POU6F2: variants seen among roughly 807,000 people sequenced by gnomAD.
The protein encoded by POU6F2 is POU domain, class 6, transcription factor 2.
Under a neutral mutation model 71.3 loss-of-function variants are expected in POU6F2, and 31 were observed. That is an observed-to-expected ratio of 0.43 (90% CI 0.33 to 0.59). The LOEUF (loss-of-function observed/expected upper bound fraction) is 0.59, where lower values mean the gene tolerates loss of function less well. Among genes scored for constraint, POU6F2 ranks in the 20% least tolerant of loss-of-function variants. The probability of loss-of-function intolerance (pLI) is 0.04; values close to 1 mark genes in which losing one functional copy is unlikely to be tolerated. For missense variants in POU6F2, 783 were observed against 856.8 expected, an observed-to-expected ratio of 0.91 and a Z score of 1.07; for synonymous variants, 347 against 355.7, an observed-to-expected ratio of 0.98 and a Z score of 0.27.
chr7:39,006,116 G>T (rs1033866396), intron 1 of POU6F2, among the ~76,000 whole-genome samples: 1 of 152,096 alleles, frequency 6.6e-6, no homozygotes, highest in Non-Finnish European at 1.5e-5. Flanking sequence ...TGGAGTCAGG[G>T]GCATGGACAA....
At chr7:39,008,336 T>C (rs1789147673) in intron 1 of POU6F2, among the ~76,000 whole-genome samples, 1 of 152,108 alleles carries the variant, frequency 6.6e-6, no homozygotes. Flanking sequence ...TTTTGAGAAG[T>C]GTCTGTTCAT....
At chr7:39,178,147 G>A (rs573189645) in intron 2 of POU6F2, among the ~76,000 whole-genome samples, 2 of 152,166 alleles carry the variant, frequency 1.3e-5, no homozygotes, top group South Asian at 2.1e-4. Flanking sequence ...CCAGCTACTC[G>A]GGAGGCTGAG....
chr7:39,281,912 T>G (rs1351446690), intron 4 of POU6F2, among the ~76,000 whole-genome samples: 1 of 152,182 alleles, frequency 6.6e-6, no homozygotes, highest in Non-Finnish European at 1.5e-5. Flanking sequence ...TAATTTGCAT[T>G]TACACCAACA....
rs754145099 is a variant in POU6F2 at position 39,419,113 on chromosome 7, G to GTA, written c.1113+12379_1113+12380dup. On this transcript the variant is annotated intron_variant, in intron 6 of 9. Coordinates refer to ENST00000518318, the MANE Select transcript of POU6F2 (RefSeq NM_001370959.1). The stretch of plus-strand genomic sequence containing the variant: ...TATGTGTATATATACACATATATAC[G>GTA]TATATATGTGTATATATACACATAT... Among the ~76,000 whole-genome samples, 221 of 56,206 alleles carry GTA rather than the reference G, an allele frequency of 3.9e-3. No homozygotes were observed. In the East Asian group the frequency reaches 0.045, roughly 11 times the overall value. 36.9% of individuals were successfully genotyped at this position (56,206 alleles called of 152,430 possible). A position where few individuals can be genotyped will look rare whatever the true frequency, so the allele number is the denominator to read the frequency against.
chr7:39,226,453 A>C (rs1316399761), intron 4 of POU6F2, among the ~76,000 whole-genome samples: 1 of 152,206 alleles, frequency 6.6e-6, no homozygotes, highest in Non-Finnish European at 1.5e-5. Flanking sequence ...AAGAACATCA[A>C]ATGCTCACAA....
intron 2 of POU6F2, among the ~76,000 whole-genome samples, chr7:39,180,869 C>T (rs1281634587): frequency 6.6e-6 from 1 of 152,160 alleles, no homozygotes; most frequent in East Asian, 1.9e-4. Flanking sequence ...GAGCACCTTT[C>T]CATAAGAACC....
chr7:39,235,583 C>A (rs1302451228), intron 4 of POU6F2, among the ~76,000 whole-genome samples: 2 of 152,146 alleles, frequency 1.3e-5, no homozygotes, highest in Non-Finnish European at 2.9e-5. Flanking sequence ...TTGACAAGAC[C>A]TCAGTCTAGA....
chr7:39,349,716 C>G (rs899046407), intron 5 of POU6F2, among the ~76,000 whole-genome samples: 22 of 152,214 alleles, frequency 1.4e-4, no homozygotes, highest in African/African-American at 5.1e-4. Flanking sequence ...CTATCCTGCT[C>G]TTTTTCTATT....
At chr7:39,110,847 C>T (rs1029051354) in intron 2 of POU6F2, among the ~76,000 whole-genome samples, 3 of 152,074 alleles carry the variant, frequency 2.0e-5, no homozygotes, top group Admixed American at 2.0e-4. Context: ...GAATGTTTGT[C>T]AATGGAGTGA....
At chr7:39,419,943 C>T (rs1281444199) in intron 6 of POU6F2, among the ~76,000 whole-genome samples, 3 of 152,136 alleles carry the variant, frequency 2.0e-5, no homozygotes, top group Non-Finnish European at 4.4e-5. Flanking sequence ...CACTTTTCTC[C>T]GTAACAAAAT....
At position 39,269,629 on chromosome 7, in the gene POU6F2, C is replaced by A. The variant is rs565199137; in HGVS notation, c.598+62009C>A. ...ATTCAGGTCATAGAATCTGCCTTCC[C>A]AGGTGCCTCTTTTTTAGAGTTTGAG... On this transcript the variant is annotated intron_variant, in intron 4 of 9. Coordinates refer to ENST00000518318, the MANE Select transcript of POU6F2 (RefSeq NM_001370959.1). Among the ~76,000 whole-genome samples the A allele has an allele frequency of 1.2e-4, 18 of 152,310 alleles. No individual in the cohort carries two copies. In the South Asian group the frequency reaches 3.5e-3, roughly 30 times the overall value.
intron 2 of POU6F2, among the ~76,000 whole-genome samples, chr7:39,166,210 T>G (rs1227736647): frequency 6.6e-6 from 1 of 152,234 alleles, no homozygotes; most frequent in African/African-American, 2.4e-5. Context: ...TAAGACATTT[T>G]ATCACTTTTA....
At position 39,460,741 on chromosome 7, in the gene POU6F2, C is replaced by T; in HGVS notation, c.1658+26C>T. The T allele has an allele frequency of 3.9e-6, 6 of 1,547,538 alleles. No homozygotes were observed. The highest frequency in any genetic ancestry group is 5.2e-6 in the Non-Finnish European group (6 of 1,146,398). On this transcript the variant is annotated intron_variant, in intron 9 of 9. Transcript: ENST00000518318. This position sits in a 1 kb window ranked among gnomAD's most constrained non-coding sequence, Gnocchi z 4.4. ...GTAACGCGCGCCTGCATGCTGTCAC[C>T]TCTTCTAGCCGCCCTGGGCCTCATT...
intron 5 of POU6F2, among the ~76,000 whole-genome samples, chr7:39,394,600 C>G (rs1157665307): frequency 6.6e-6 from 1 of 152,204 alleles, no homozygotes; most frequent in African/African-American, 2.4e-5. Context: ...TGAGCTCCAT[C>G]TCCTGTCTTA....
At chr7:39,426,739 G>A (rs1479252508) in intron 6 of POU6F2, among the ~76,000 whole-genome samples, 2 of 152,126 alleles carry the variant, frequency 1.3e-5, no homozygotes, top group Non-Finnish European at 2.9e-5. Flanking sequence ...TATCCTTGAG[G>A]TAAGGAGAAA....
At chr7:39,183,220 G>A (rs1239916300) in intron 2 of POU6F2, among the ~76,000 whole-genome samples, 1 of 152,130 alleles carries the variant, frequency 6.6e-6, no homozygotes, top group Non-Finnish European at 1.5e-5. Context: ...ATCTGAGGTG[G>A]GAGAGTGTCA....
intron 5 of POU6F2, among the ~76,000 whole-genome samples, chr7:39,360,760 G>T (rs1050591842): frequency 6.6e-6 from 1 of 152,242 alleles, no homozygotes; most frequent in Non-Finnish European, 1.5e-5. Flanking sequence ...TGCTAAACAA[G>T]GGGTGGATTA....
At position 39,230,703 on chromosome 7, in the gene POU6F2, A is replaced by T. The variant is rs145339533; in HGVS notation, c.598+23083A>T. Reference sequence around the variant, plus strand: ...GGGCCCAACAGAAATATCAGAATTGATACAAATAGTTTCTGCCATTCTTAA... The same window carrying T: ...GGGCCCAACAGAAATATCAGAATTGTTACAAATAGTTTCTGCCATTCTTAA... On this transcript the variant is annotated intron_variant, in intron 4 of 9. Transcript: ENST00000518318. Among the ~76,000 whole-genome samples the T allele has an allele frequency of 2.7e-3, 416 of 152,328 alleles. 1 individual carries two copies. Among genetic ancestry groups the T allele is most frequent in the African/African-American group, 9.4e-3 (392 of 41,580 alleles).
intron 2 of POU6F2, among the ~76,000 whole-genome samples, chr7:39,098,523 C>G (rs886357575): frequency 6.6e-6 from 1 of 152,006 alleles, no homozygotes; most frequent in East Asian, 1.9e-4. Context: ...TCAAGCTATC[C>G]TGCTACCTTG....
Sources: allele counts gnomAD v4.1 joint callset (sites outside exome capture counted in the v4.1 genomes callset), GRCh38; gene constraint gnomAD v4.1.1; non-coding constraint Gnocchi (gnomAD v3.1); transcripts MANE v1.5; gene names NCBI Gene and HGNC (gene_info 2026-07-23, HGNC 2026-07-21).